The following TLR4 variants were observed in gnomAD, a reference collection of about 807,000 sequenced individuals.
The protein encoded by TLR4 is toll like receptor 4.
Under a neutral mutation model 27.4 loss-of-function variants are expected in TLR4, and 17 were observed. The observed-to-expected ratio is 0.62, with a 90% CI of 0.42 to 0.93. The LOEUF (loss-of-function observed/expected upper bound fraction) is 0.93, where lower values mean the gene tolerates loss of function less well. Ranked by LOEUF, TLR4 falls within the 40% of genes least tolerant of loss-of-function variation. TLR4 has a pLI of 0.00. For synonymous variants in TLR4, 363 were observed against 365.7 expected (o/e 0.99, Z 0.08); for missense variants, 926 against 962.3 (o/e 0.96, Z 0.50).
Position 117,719,940 on chromosome 9 carries a change from G to C in TLR4, c.*5292G>C, listed in dbSNP as rs1270714499. 6.6e-6 allele frequency: 1 copy of C among 152,112 alleles called. No individual in the cohort carries two copies. Among genetic ancestry groups the C allele is most frequent in the African/African-American group, 2.4e-5 (1 of 41,410 alleles). 9.4% of individuals were successfully genotyped at this position (152,112 alleles called of 1,614,324 possible). On this transcript the variant is annotated 3_prime_UTR_variant, in exon 3 of 3. Transcript: ENST00000355622. ...GTTAAAGGCTACTCTTCTCATTTTA[G>C]AAATGAGAAAAGAGATGCCCAGAGA...
intron 1 of TLR4, among the ~76,000 whole-genome samples, chr9:117,705,147 C>T (rs1356851818): frequency 1.3e-5 from 2 of 151,988 alleles, no homozygotes; most frequent in East Asian, 3.9e-4. Flanking sequence ...AAGAAAAAAG[C>T]AAGAGGGAAA....
At chr9:117,705,383 A>T (rs577715135) in intron 1 of TLR4, among the ~76,000 whole-genome samples, 1 of 152,224 alleles carries the variant, frequency 6.6e-6, no homozygotes, top group African/African-American at 2.4e-5. Flanking sequence ...AGTTGAGGAT[A>T]TAGGAGAAAA....
chr9:117,708,461 G>A, intron 1 of TLR4, 102 bp from the exon 2 acceptor site: 1 of 1,599,202 alleles, frequency 6.3e-7, no homozygotes, highest in Middle Eastern at 1.9e-4. Context: ...TGAATTTTGT[G>A]CTTGCACAAA....
chr9:117,714,886 C>A lies in TLR4; in HGVS notation c.*238C>A. 1.8e-6 allele frequency: 1 copy of A among 559,340 alleles called. No individual in the cohort carries two copies. Among genetic ancestry groups the A allele is most frequent in the South Asian group, 2.1e-5 (1 of 47,414 alleles). The allele number at this position is 559,340 out of a possible 1,614,324, so 34.6% of individuals were successfully genotyped here. A position where few individuals can be genotyped will look rare whatever the true frequency, so the allele number is the denominator to read the frequency against. ...CATTTCAACCAACTCAGTCAAGGAA[C>A]CCATGACAAAGAAAGTCATTTCAAC... On this transcript the variant is annotated 3_prime_UTR_variant, in exon 3 of 3. Transcript: ENST00000355622.
chr9:117,709,871 C>G (rs983227118), intron 2 of TLR4, among the ~76,000 whole-genome samples: 1 of 151,974 alleles, frequency 6.6e-6, no homozygotes, highest in Non-Finnish European at 1.5e-5. Context: ...CAAGTTTACC[C>G]CCAACCTTTA....
In TLR4 at chr9:117,716,340, A is replaced by G. The variant is rs931339454; in HGVS notation, c.*1692A>G. 1 of 152,200 alleles carries G rather than the reference A, an allele frequency of 6.6e-6. No individual in the cohort carries two copies. The highest frequency in any genetic ancestry group is 1.9e-4 in the East Asian group (1 of 5,192). The allele number at this position is 152,200 out of a possible 1,614,324, so 9.4% of individuals were successfully genotyped here. ...AATTTCCATTGAAAAATAAATGGACAAAGAAAATGTGCATATACGTACAAT... is the reference window on the plus strand; with the variant it reads ...AATTTCCATTGAAAAATAAATGGACGAAGAAAATGTGCATATACGTACAAT... On this transcript the variant is annotated 3_prime_UTR_variant, in exon 3 of 3. Transcript: ENST00000355622.
chr9:117,708,925 G>T, intron 2 of TLR4, 196 bp downstream of exon 2: 1 of 638,204 alleles, frequency 1.6e-6, no homozygotes, highest in Non-Finnish European at 2.6e-6. Context: ...AATCTGTGAA[G>T]TAGGCAGTTG....
rs1374466512 is a variant in TLR4 at position 117,713,661 on chromosome 9, G to T, written c.1533G>T (p.Leu511Phe). 1 of 1,613,998 alleles carries T rather than the reference G, an allele frequency of 6.2e-7. No individual in the cohort carries two copies. Among genetic ancestry groups the T allele is most frequent in the Non-Finnish European group, 8.5e-7 (1 of 1,180,020 alleles). ...TCTCTCAGTGTCAACTGGAGCAGTT[G>T]TCTCCAACAGCATTTAACTCACTCT... ...LDLSQCQLEQ[L>F]SPTAFNSLSS... is the part of the protein sequence containing the mutation. Residue 511 changes from leucine to phenylalanine, a missense_variant, in exon 3 of 3, where the codon TTG (leucine) becomes TTT (phenylalanine). Coordinates refer to ENST00000355622, the MANE Select transcript of TLR4 (RefSeq NM_138554.5).
In TLR4 at chr9:117,713,847, C is replaced by T; in HGVS notation, c.1719C>T (p.Phe573=). The T allele has an allele frequency of 6.2e-7, 1 of 1,614,038 alleles. No individual in the cohort carries two copies. Among genetic ancestry groups the T allele is most frequent in the Non-Finnish European group, 8.5e-7 (1 of 1,180,004 alleles). ...ELQHFPSSLA[F]LNLTQNDFAC... ...AGCATTTTCCAAGTAGTCTAGCTTT[C>T]TTAAATCTTACTCAGAATGACTTTG... Residue 573 remains phenylalanine (F), a synonymous_variant, in exon 3 of 3, where the codon TTC becomes TTT. Transcript: ENST00000355622.
rs1369259102 is a variant in TLR4, at chr9:117,723,178, G to C, written c.*8530G>C. 6.6e-6 allele frequency: 1 copy of C among 152,154 alleles called. No individual in the cohort carries two copies. Among genetic ancestry groups the C allele is most frequent in the African/African-American group, 2.4e-5 (1 of 41,424 alleles). 9.4% of individuals were successfully genotyped at this position (152,154 alleles called of 1,614,324 possible). ...GTCCATTCCAGGAATTCTATTCTAT[G>C]ATTAGAGGTGTAACTTCATCATCCA... On this transcript the variant is annotated 3_prime_UTR_variant, in exon 3 of 3. Transcript: ENST00000355622.
Position 117,718,730 on chromosome 9 carries a change from T to C in TLR4, c.*4082T>C, listed in dbSNP as rs1442134082. On this transcript the variant is annotated 3_prime_UTR_variant, in exon 3 of 3. Coordinates refer to ENST00000355622, the MANE Select transcript of TLR4 (RefSeq NM_138554.5). ...ATTGAAAATCATGTATTATGTTCAA[T>C]ACGGGGACACTGTCCTTATGGGTGA... 6.6e-6 allele frequency: 1 copy of C among 152,186 alleles called. No individual in the cohort carries two copies. The highest frequency in any genetic ancestry group is 1.5e-5 in the Non-Finnish European group (1 of 68,022). 9.4% of individuals were successfully genotyped at this position (152,186 alleles called of 1,614,324 possible).
chr9:117,711,195 C>A (rs1056535579), intron 2 of TLR4, among the ~76,000 whole-genome samples: 2 of 152,160 alleles, frequency 1.3e-5, no homozygotes, highest in Non-Finnish European at 2.9e-5. Flanking sequence ...ACTGCCTATC[C>A]TTTATCTAGT....
Position 117,721,575 on chromosome 9 carries a change from T to A in TLR4, c.*6927T>A, listed in dbSNP as rs1259497870. 1.3e-5 allele frequency: 2 copies of A among 152,260 alleles called. No individual in the cohort carries two copies. Among genetic ancestry groups the A allele is most frequent in the Non-Finnish European group, 2.9e-5 (2 of 68,044 alleles). 9.4% of individuals were successfully genotyped at this position (152,260 alleles called of 1,614,324 possible). On this transcript the variant is annotated 3_prime_UTR_variant, in exon 3 of 3. Coordinates refer to ENST00000355622, the MANE Select transcript of TLR4 (RefSeq NM_138554.5). ...TCTCACTTTTAAACAAATGCTTGGC[T>A]TAAGAATCACTTAATGACTTTCATT...
At chr9:117,710,423 G>A (rs1829212233) in intron 2 of TLR4, among the ~76,000 whole-genome samples, 1 of 148,484 alleles carries the variant, frequency 6.7e-6, no homozygotes, top group Non-Finnish European at 1.5e-5. Flanking sequence ...ATTTTGTCAA[G>A]TACTCTATTA....
intron 2 of TLR4, 51 bp from the exon 3 acceptor site, chr9:117,712,338 G>A (rs1346771300): frequency 6.5e-7 from 1 of 1,538,222 alleles, no homozygotes; most frequent in Non-Finnish European, 8.9e-7. Context: ...TCTATTTTAG[G>A]TTCTTATTCA....
Position 117,723,986 on chromosome 9 carries a change from G to A in TLR4, c.*9338G>A, listed in dbSNP as rs1233687272. 2.0e-5 allele frequency: 3 copies of A among 152,142 alleles called. No homozygotes were observed. Among genetic ancestry groups the A allele is most frequent in the Non-Finnish European group, 4.4e-5 (3 of 68,034 alleles). 9.4% of individuals were successfully genotyped at this position (152,142 alleles called of 1,614,324 possible). On this transcript the variant is annotated 3_prime_UTR_variant, in exon 3 of 3. Transcript: ENST00000355622. ...CTTTCTTCATAAATTTCACAGTTGTGGATTGATAAAAACAGAGAACTCTGG... is the reference window on the plus strand; with the variant it reads ...CTTTCTTCATAAATTTCACAGTTGTAGATTGATAAAAACAGAGAACTCTGG...
At position 117,724,284 on chromosome 9, in the gene TLR4, T is replaced by C. The variant is rs1415393180; in HGVS notation, c.*9636T>C. The C allele has an allele frequency of 2.6e-5, 4 of 152,258 alleles. No homozygotes were observed. Among genetic ancestry groups the C allele is most frequent in the African/African-American group, 4.8e-5 (2 of 41,438 alleles). The allele number at this position is 152,258 out of a possible 1,614,324, so 9.4% of individuals were successfully genotyped here. On this transcript the variant is annotated 3_prime_UTR_variant, in exon 3 of 3. Transcript: ENST00000355622. ...TTACTTTTTCTGGCTCTTGCCACGG[T>C]TTTGAATAAAACTCTTCCAAATATC...
rs1588094697 is a variant in TLR4 at position 117,713,147 on chromosome 9, G to A, written c.1019G>A (p.Cys340Tyr). 6.2e-7 allele frequency: 1 copy of A among 1,613,424 alleles called. No individual in the cohort carries two copies. Among genetic ancestry groups the A allele is most frequent in the East Asian group, 2.2e-5 (1 of 44,840 alleles). Residue 340 changes from cysteine (C) to tyrosine (Y), a missense_variant, in exon 3 of 3, where the codon TGT becomes TAT. Cys to Tyr is a radical substitution (Grantham distance 194, BLOSUM62 -2). Coordinates refer to ENST00000355622, the MANE Select transcript of TLR4 (RefSeq NM_138554.5). ...FGWQHLELVN[C>Y]KFGQFPTLKL... is the part of the protein sequence containing the mutation. ...TGGCAACATTTAGAATTAGTTAACT[G>A]TAAATTTGGACAGTTTCCCACATTG...
Position 117,713,804 on chromosome 9 carries a change from C to T in TLR4, c.1676C>T (p.Ser559Phe). The T allele has an allele frequency of 6.2e-7, 1 of 1,613,914 alleles. No homozygotes were observed. Among genetic ancestry groups the T allele is most frequent in the African/African-American group, 1.3e-5 (1 of 75,026 alleles). ...LDYSLNHIMTSKKQELQHFPS... is the reference protein window; with the variant it reads ...LDYSLNHIMTFKKQELQHFPS... ...TACAGTCTCAATCACATAATGACTT[C>T]CAAAAAACAGGAACTACAGCATTTT... Residue 559 changes from serine to phenylalanine, a missense_variant, in exon 3 of 3, where the codon TCC becomes TTC. By Grantham distance (155) the Ser-to-Phe change is radical. Transcript: ENST00000355622.
Sources: allele counts gnomAD v4.1 joint callset (sites outside exome capture counted in the v4.1 genomes callset), GRCh38; gene constraint gnomAD v4.1.1; transcripts MANE v1.5; gene names NCBI Gene and HGNC (gene_info 2026-07-23, HGNC 2026-07-21).